The following PCDHA1 variants were observed in gnomAD, a reference collection of about 807,000 sequenced individuals.
PCDHA1 encodes protocadherin alpha-1.
In PCDHA1, 42 loss-of-function variants were observed where a neutral mutation model predicts 61.3. The ratio of observed to expected loss-of-function variants is 0.69; its 90% confidence interval spans 0.54 to 0.89. The LOEUF is 0.89. Among genes scored for constraint, PCDHA1 ranks in the 40% least tolerant of loss-of-function variants. The pLI is 0.00. For synonymous variants in PCDHA1, 610 were observed against 553.8 expected (o/e 1.10, Z -1.43); for missense variants, 1,256 against 1,235.3 (o/e 1.02, Z -0.25).
At chr5:140,851,846 T>C in intron 1 of PCDHA1, 1 of 970,670 alleles carries the variant, frequency 1.0e-6, no homozygotes, top group Non-Finnish European at 1.2e-6. Context: ...TATCTTTTTC[T>C]CCTCTCAGCT....
rs114483996 is a variant in PCDHA1, at chr5:140,825,464, C to A, written c.2394+36780C>A. The stretch of plus-strand genomic sequence containing the variant: ...ATAATATATATCAGATATTTTGATA[C>A]AGAATTTTGCTCTTGTTGCCCAAAC... On this transcript the variant is annotated intron_variant, in intron 1 of 3. Coordinates refer to ENST00000504120, the MANE Select transcript of PCDHA1 (RefSeq NM_018900.4). 1.4e-3 allele frequency: 215 copies of A among 148,416 alleles called. 1 individual carries two copies. Among genetic ancestry groups the A allele is most frequent in the African/African-American group, 5.0e-3 (201 of 40,520 alleles). The allele number at this position is 148,416 out of a possible 1,614,324, so 9.2% of individuals were successfully genotyped here.
intron 1 of PCDHA1, chr5:140,875,321 TC>T: frequency 1.4e-6 from 2 of 1,427,980 alleles, no homozygotes; most frequent in Non-Finnish European, 1.8e-6. Context: ...TTCCAATCAT[TC>T]ACGGAATAGG....
At chr5:140,906,917 C>T (rs2073040753) in intron 1 of PCDHA1, among the ~76,000 whole-genome samples, 1 of 152,114 alleles carries the variant, frequency 6.6e-6, no homozygotes, top group Non-Finnish European at 1.5e-5. Context: ...AGGAGGAGCC[C>T]AAAAAGTGTC....
intron 1 of PCDHA1, among the ~76,000 whole-genome samples, chr5:140,947,165 T>C (rs1034105702): frequency 6.6e-6 from 1 of 151,228 alleles, no homozygotes. Context: ...GGGTAGAAAA[T>C]GTGGTATATA....
intron 1 of PCDHA1, chr5:140,802,711 C>G (rs528768034): frequency 2.5e-6 from 4 of 1,612,534 alleles, no homozygotes; most frequent in Admixed American, 3.3e-5. Context: ...CGCGCGCTGT[C>G]GAGCTACGTG....
intron 1 of PCDHA1, chr5:140,858,108 C>A (rs781859966): frequency 3.1e-6 from 5 of 1,597,590 alleles, no homozygotes; most frequent in Non-Finnish European, 4.3e-6. Context: ...GGCGTGGCGC[C>A]CGAGGTGGCC....
Position 140,796,974 on chromosome 5 carries a change from G to A in PCDHA1, c.2394+8290G>A. 1.9e-6 allele frequency: 3 copies of A among 1,613,854 alleles called. No individual in the cohort carries two copies. In the East Asian group the frequency reaches 6.7e-5, roughly 36 times the overall value. On this transcript the variant is annotated intron_variant, in intron 1 of 3. Coordinates refer to ENST00000504120, the MANE Select transcript of PCDHA1 (RefSeq NM_018900.4). ...CGGCCACCGTGTTAGTGTCGTTGGTGGAAAGTGGCCAGGCACCCAAGGCCT... is the reference window on the plus strand; with the variant it reads ...CGGCCACCGTGTTAGTGTCGTTGGTAGAAAGTGGCCAGGCACCCAAGGCCT...
chr5:140,972,201 G>A (rs1554233905), intron 1 of PCDHA1, among the ~76,000 whole-genome samples: 1 of 152,058 alleles, frequency 6.6e-6, no homozygotes, highest in African/African-American at 2.4e-5. Flanking sequence ...GAGTATAGGT[G>A]TGAATATGGC....
Position 140,857,721 on chromosome 5 carries a change from AC to A in PCDHA1, c.2394+69038del, listed in dbSNP as rs1554150568. ...CTGCAGGTGTTCGTGCTGGACGAGA[AC>A]GACAACGCTCCCGCGCTGCTGGCGT... On this transcript the variant is annotated intron_variant, in intron 1 of 3. Transcript: ENST00000504120. 4.4e-6 allele frequency: 7 copies of A among 1,597,360 alleles called. 1 individual carries two copies. In the Admixed American group the frequency reaches 1.0e-4, roughly 23 times the overall value.
chr5:140,922,164 A>G lies in PCDHA1; in HGVS notation c.2395-56785A>G, dbSNP rs1382732959. Among the ~76,000 whole-genome samples the G allele has an allele frequency of 2.1e-5, 3 of 145,926 alleles. No individual in the cohort carries two copies. The East Asian group carries it at 6.4e-4, about 31-fold the overall frequency. Reference sequence around the variant, plus strand: ...CATGAAACTCATCAAAAACAACAAAAAGTACAGCAGACAAAAAAAAAGTCT... The same window carrying G: ...CATGAAACTCATCAAAAACAACAAAGAGTACAGCAGACAAAAAAAAAGTCT... On this transcript the variant is annotated intron_variant, in intron 1 of 3. Transcript: ENST00000504120.
chr5:140,944,317 A>G (rs2093641596), intron 1 of PCDHA1, among the ~76,000 whole-genome samples: 2 of 152,090 alleles, frequency 1.3e-5, no homozygotes. Flanking sequence ...CCTCCTGAGT[A>G]GCTGGGATTA....
intron 1 of PCDHA1, chr5:140,851,438 T>A (rs2042059755): frequency 1.1e-6 from 1 of 928,024 alleles, no homozygotes; most frequent in African/African-American, 1.8e-5. Flanking sequence ...AGAAAACAGT[T>A]GCTCCACTTT....
intron 1 of PCDHA1, chr5:140,848,946 C>G (rs2150425951): frequency 1.2e-6 from 2 of 1,607,130 alleles, no homozygotes; most frequent in African/African-American, 2.7e-5. Context: ...GCTTGACTCT[C>G]GGTTTCCACT....
intron 1 of PCDHA1, chr5:140,807,458 G>T: frequency 6.2e-7 from 1 of 1,608,232 alleles, no homozygotes; most frequent in Non-Finnish European, 8.5e-7. Flanking sequence ...TTCTCGGATC[G>T]ACCGGGAGGA....
rs369541654 is a variant in PCDHA1 at position 141,010,673 on chromosome 5, A to G, written c.*736A>G. On this transcript the variant is annotated 3_prime_UTR_variant, in exon 4 of 4. Coordinates refer to ENST00000504120, the MANE Select transcript of PCDHA1 (RefSeq NM_018900.4). ...TTTTAACAGAGAACCACCCTGGGAAACAGAAGCAGATCTGATGTGTTTCCT... is the reference window on the plus strand; with the variant it reads ...TTTTAACAGAGAACCACCCTGGGAAGCAGAAGCAGATCTGATGTGTTTCCT... 8.1e-4 allele frequency: 133 copies of G among 163,824 alleles called. No individual in the cohort carries two copies. Among genetic ancestry groups the G allele is most frequent in the Non-Finnish European group, 5.5e-4 (41 of 74,388 alleles). 10.1% of individuals were successfully genotyped at this position (163,824 alleles called of 1,614,324 possible). A position where few individuals can be genotyped will look rare whatever the true frequency, so the allele number is the denominator to read the frequency against.
chr5:140,807,639 G>T (rs1360812183), intron 1 of PCDHA1: 5 of 1,614,070 alleles, frequency 3.1e-6, no homozygotes, highest in Non-Finnish European at 4.2e-6. Flanking sequence ...CTTGACTCTC[G>T]GTTTCCACTA....
rs543069895 is a variant in PCDHA1, at chr5:140,958,338, G to A, written c.2395-20611G>A. 2.0e-4 allele frequency among the ~76,000 whole-genome samples: 30 copies of A among 152,108 alleles called. No homozygotes were observed. In the South Asian group the frequency reaches 6.0e-3, roughly 31 times the overall value. ...GAGCTCAAAAAATAAATAAATCACA[G>A]GAAGTTCACAGTCTGACTTTATCAG... On this transcript the variant is annotated intron_variant, in intron 1 of 3. Transcript: ENST00000504120.
chr5:140,858,038 G>A, intron 1 of PCDHA1: 1 of 1,596,684 alleles, frequency 6.3e-7, no homozygotes, highest in East Asian at 2.2e-5. Context: ...CACGGCCACT[G>A]TGCTTGTGTC....
chr5:140,895,315 A>C (rs541841623), intron 1 of PCDHA1, among the ~76,000 whole-genome samples: 2 of 152,036 alleles, frequency 1.3e-5, no homozygotes, highest in East Asian at 1.9e-4. Flanking sequence ...TCCACCCATG[A>C]CTATTGTTCT....
Sources: allele counts gnomAD v4.1 joint callset (sites outside exome capture counted in the v4.1 genomes callset), GRCh38; gene constraint gnomAD v4.1.1; transcripts MANE v1.5; gene names NCBI Gene and HGNC (gene_info 2026-07-23, HGNC 2026-07-21).